EPHX3: variants seen among roughly 807,000 people sequenced by gnomAD.
The protein encoded by EPHX3 is abhydrolase domain containing 9.
In EPHX3, 39 loss-of-function variants were observed where a neutral mutation model predicts 40.2. That is an observed-to-expected ratio of 0.97 (90% CI 0.75 to 1.27). EPHX3 has a LOEUF of 1.27. EPHX3 is among the 50% of genes most tolerant of loss of function. The pLI is 0.00. For synonymous variants in EPHX3, 213 were observed against 209.7 expected, an observed-to-expected ratio of 1.02 and a Z score of -0.14; for missense variants, 442 against 474.0, an observed-to-expected ratio of 0.93 and a Z score of 0.63.
At position 15,227,272 on chromosome 19, in the gene EPHX3, G is replaced by T; in HGVS notation, c.*165C>A. ...GAGTATAGGGGTTGGTGTGTCCCGA[G>T]GCACCCATAGGTGCGCTTGTGTGGG... On this transcript the variant is annotated 3_prime_UTR_variant, in exon 7 of 7. Transcript: ENST00000221730. The T allele has an allele frequency of 1.6e-6, 1 of 628,078 alleles. No individual in the cohort carries two copies. Among genetic ancestry groups the T allele is most frequent in the South Asian group, 1.9e-5 (1 of 53,054 alleles). The allele number at this position is 628,078 out of a possible 1,614,324, so 38.9% of individuals were successfully genotyped here. A position where few individuals can be genotyped will look rare whatever the true frequency, so the allele number is the denominator to read the frequency against.
At chr19:15,234,393 A>G (rs1310342023), upstream of EPHX3, among the ~76,000 whole-genome samples, 2 of 151,952 alleles carry the variant, frequency 1.3e-5, no homozygotes, top group Admixed American at 1.3e-4. Context: ...ATCATAGCTC[A>G]CTGCAGCCTC....
chr19:15,232,055 G>C lies in EPHX3; in HGVS notation c.157C>G (p.Arg53Gly). Residue 53 changes from arginine (R) to glycine (G), a missense_variant, in exon 1 of 7, where the codon CGC becomes GGC. Arg to Gly is a moderately radical substitution (Grantham distance 125, BLOSUM62 -2). Coordinates refer to ENST00000221730, the MANE Select transcript of EPHX3 (RefSeq NM_024794.3). Reference sequence around the variant, plus strand: ...CTCCGACGGCGCCCGCAGCAGCCGCGCCGGGGCCGGCACAGCACGTGCGTG... The same window carrying C: ...CTCCGACGGCGCCCGCAGCAGCCGCCCCGGGGCCGGCACAGCACGTGCGTG... The part of the protein sequence containing the change: ...ALTHVLCRPR[R>G]GCCGRRRSAS... The C allele has an allele frequency of 6.3e-7, 1 of 1,578,148 alleles. No homozygotes were observed.
At chr19:15,235,516 G>A (rs1209402537), upstream of EPHX3, 2 of 145,420 alleles carry the variant, frequency 1.4e-5, no homozygotes, top group African/African-American at 5.1e-5. Context: ...CATCACAGGA[G>A]AGTAACTTTA....
At chr19:15,228,943 A>G (rs2047133040) in intron 4 of EPHX3, among the ~76,000 whole-genome samples, 2 of 151,162 alleles carry the variant, frequency 1.3e-5, no homozygotes, top group East Asian at 2.0e-4. Context: ...GTGAGCTGCA[A>G]TTACAGCACT....
chr19:15,227,104 C>A lies in EPHX3; in HGVS notation c.*333G>T, dbSNP rs1056452664. On this transcript the variant is annotated 3_prime_UTR_variant, in exon 7 of 7. Coordinates refer to ENST00000221730, the MANE Select transcript of EPHX3 (RefSeq NM_024794.3). Reference sequence around the variant, plus strand: ...CTGTGCAGCTATGGCAGAGAAGCGACTTTGGCAAAGCGCAGAGTGAGGCCC... The same window carrying A: ...CTGTGCAGCTATGGCAGAGAAGCGAATTTGGCAAAGCGCAGAGTGAGGCCC... The A allele has an allele frequency of 2.8e-6, 1 of 363,266 alleles. No homozygotes were observed. The highest frequency in any genetic ancestry group is 5.1e-6 in the Non-Finnish European group (1 of 194,450). 22.5% of individuals were successfully genotyped at this position (363,266 alleles called of 1,614,324 possible).
rs1021546434 is a variant in EPHX3, at chr19:15,231,749, G to A, written c.329+27C>T. ...CTCCACCTGCCCCCGAGTCCCGTGG[G>A]CCTCAGGCCCCTGGCCCCAGACGTA... is the stretch of plus-strand genomic sequence containing the variant. On this transcript the variant is annotated intron_variant, in intron 2 of 6. Coordinates refer to ENST00000221730, the MANE Select transcript of EPHX3 (RefSeq NM_024794.3). The A allele has an allele frequency of 2.5e-6, 4 of 1,612,180 alleles. No homozygotes were observed. In the Admixed American group the frequency reaches 6.7e-5, roughly 27 times the overall value.
intron 2 of EPHX3, 111 bp downstream of exon 2, chr19:15,231,665 T>G: frequency 8.4e-7 from 1 of 1,193,916 alleles, no homozygotes; most frequent in African/African-American, 1.5e-5. Flanking sequence ...CCTATCCCCA[T>G]CTATGTTCAG....
At chr19:15,230,621 C>T (rs1029938166) in intron 4 of EPHX3, among the ~76,000 whole-genome samples, 1 of 151,906 alleles carries the variant, frequency 6.6e-6, no homozygotes, top group South Asian at 2.1e-4. Flanking sequence ...GCTGGGATTA[C>T]AGGCATGCAC....
rs1284526593 is a variant in EPHX3 at position 15,229,966 on chromosome 19, TG to T, written c.616+995del. Among the ~76,000 whole-genome samples, 7 of 148,558 alleles carry T rather than the reference TG, an allele frequency of 4.7e-5. No homozygotes were observed. The East Asian group carries it at 9.9e-4, about 21-fold the overall frequency. On this transcript the variant is annotated intron_variant, in intron 4 of 6. Coordinates refer to ENST00000221730, the MANE Select transcript of EPHX3 (RefSeq NM_024794.3). The stretch of plus-strand genomic sequence containing the variant: ...AAAAGAGAGAGAGAGAGCACAGTTA[TG>T]ACCACAGTGCTGCATATTAACATCA...
rs1450847000 is a variant in EPHX3, at chr19:15,227,593, G to GT, written c.926dup (p.Tyr309Ter). 6.2e-7 allele frequency: 1 copy of GT among 1,614,128 alleles called. No homozygotes were observed. The highest frequency in any genetic ancestry group is 2.2e-5 in the East Asian group (1 of 44,872). The change falls in exon 7 of 7, where the codon TAC (tyrosine) becomes TAAC (stop). Residue 309 changes from tyrosine (Y) to a stop codon, truncating the protein, a stop_gained and frameshift_variant. Coordinates refer to ENST00000221730, the MANE Select transcript of EPHX3 (RefSeq NM_024794.3). LOFTEE classifies it high-confidence loss of function. ...TLLLWGEKDTYLELGLVEAIG... is the reference protein window; with the variant it reads ...TLLLWGEKDT Reference sequence around the variant, plus strand: ...TGGCTTCCACCAGCCCCAGCTCCAAGTAAGTGTCCTTCTCCCCCCACAGCA... The same window carrying GT: ...TGGCTTCCACCAGCCCCAGCTCCAAGTTAAGTGTCCTTCTCCCCCCACAGCA...
rs1386095138 is a variant in EPHX3 at position 15,232,092 on chromosome 19, G to A, written c.120C>T (p.Gly40=). Residue 40 remains glycine (G), a synonymous_variant, in exon 1 of 7, where the codon GGC becomes GGT. Transcript: ENST00000221730. ...ACAGCACGTGCGTGAGCGCTATGCA[G>A]CCGTAGACCGCCGCGGCCACCAGCG... ...SVALVAAAVY[G]CIALTHVLCR... is the part of the protein sequence containing the mutation. 1.9e-6 allele frequency: 3 copies of A among 1,554,316 alleles called. No homozygotes were observed. In the South Asian group the frequency reaches 3.5e-5, roughly 18 times the overall value.
chr19:15,229,835 T>C (rs1280943882), intron 4 of EPHX3, among the ~76,000 whole-genome samples: 5 of 122,722 alleles, frequency 4.1e-5, no homozygotes, highest in Admixed American at 1.1e-4. Context: ...TGCAGTGAAC[T>C]GAGATCACGC....
chr19:15,230,653 ATTTTTTT>A (rs35540856), intron 4 of EPHX3, among the ~76,000 whole-genome samples: 2 of 135,134 alleles, frequency 1.5e-5, no homozygotes, highest in Non-Finnish European at 3.1e-5. Flanking sequence ...GGCTAATTAC[ATTTTTTT>A]TTTTTTTTTG....
chr19:15,231,311 C>T lies in EPHX3; in HGVS notation c.415G>A (p.Ala139Thr). ...GTGTAGCAGTCCACATCCCGAGGTG[C>T]ATCCGAGGGGCCATAGCCTCGCAAG... ...VDLRGYGPSD[A>T]PRDVDCYTID... is the part of the protein sequence containing the mutation. Residue 139 changes from alanine (A) to threonine (T), a missense_variant, in exon 3 of 7, where the codon GCA (alanine) becomes ACA (threonine). Physicochemically the swap from Ala to Thr is moderately conservative, Grantham distance 58 (BLOSUM62 0). Transcript: ENST00000221730. 1 of 1,613,964 alleles carries T rather than the reference C, an allele frequency of 6.2e-7. No homozygotes were observed. The highest frequency in any genetic ancestry group is 8.5e-7 in the Non-Finnish European group (1 of 1,180,004).
upstream of EPHX3, among the ~76,000 whole-genome samples, chr19:15,234,991 TG>T (rs1441145280): frequency 1.3e-5 from 2 of 152,106 alleles, no homozygotes; most frequent in African/African-American, 2.4e-5. Context: ...ATCAAAGCTT[TG>T]GGGGTTTTTT....
chr19:15,231,856 C>G lies in EPHX3; in HGVS notation c.249G>C (p.Ser83=), dbSNP rs781249902. 5.6e-6 allele frequency: 9 copies of G among 1,613,738 alleles called. No individual in the cohort carries two copies. Among genetic ancestry groups the G allele is most frequent in the Non-Finnish European group, 7.6e-6 (9 of 1,180,020 alleles). ...GEHGFLNLKS[S]GLRLHYVSAG... is the part of the protein sequence containing the mutation. ...CCGAGACATAGTGCAGACGCAGGCC[C>G]GAGCTCTAGGGGGAGGGCACAGCCT... Residue 83 remains serine, a synonymous_variant, in exon 2 of 7, where the codon TCG becomes TCC. Coordinates refer to ENST00000221730, the MANE Select transcript of EPHX3 (RefSeq NM_024794.3).
chr19:15,231,737 C>A lies in EPHX3; in HGVS notation c.329+39G>T, dbSNP rs773949353. 7 of 1,604,788 alleles carry A rather than the reference C, an allele frequency of 4.4e-6. No homozygotes were observed. In the African/African-American group the frequency reaches 5.3e-5, roughly 12 times the overall value. The stretch of plus-strand genomic sequence containing the variant: ...TGGGAGCCCAAGCTCCACCTGCCCC[C>A]GAGTCCCGTGGGCCTCAGGCCCCTG... On this transcript the variant is annotated intron_variant, in intron 2 of 6. Coordinates refer to ENST00000221730, the MANE Select transcript of EPHX3 (RefSeq NM_024794.3).
chr19:15,227,873 C>G lies in EPHX3; in HGVS notation c.755G>C (p.Gly252Ala). 1 of 1,614,048 alleles carries G rather than the reference C, an allele frequency of 6.2e-7. No homozygotes were observed. Among genetic ancestry groups the G allele is most frequent in the Non-Finnish European group, 8.5e-7 (1 of 1,180,016 alleles). Reference protein sequence around the residue: ...LKTTLTHRKTGIPCLTPSELE... With the variant: ...LKTTLTHRKTAIPCLTPSELE... ...CTCGCTGGGGGTCAAGCATGGGATG[C>G]CTGTCTTGCGGTGGGTGAGGGTGGT... is the stretch of plus-strand genomic sequence containing the variant. The change falls in exon 6 of 7, where the codon GGC (glycine) becomes GCC (alanine). Residue 252 changes from glycine to alanine, a missense_variant. Gly to Ala is a moderately conservative substitution (Grantham distance 60). Transcript: ENST00000221730.
chr19:15,235,370 CCCAA>C (rs2047184611), upstream of EPHX3: 1 of 152,126 alleles, frequency 6.6e-6, no homozygotes, highest in South Asian at 2.1e-4. Context: ...CAGGATCTCT[CCCAA>C]CCGACTCCGC....
Sources: gnomAD v4.1 joint callset for allele counts (sites outside exome capture counted in the v4.1 genomes callset) on GRCh38, gnomAD v4.1.1 for gene constraint, MANE v1.5 for transcripts, NCBI Gene and HGNC (gene_info 2026-07-23, HGNC 2026-07-21) for gene names.